Variants in SPACA1 observed in about 807,000 individuals in gnomAD.
The protein encoded by SPACA1 is sperm acrosome associated 1, also known as sperm acrosome membrane-associated protein 1.
Under a neutral mutation model 32.6 loss-of-function variants are expected in SPACA1, and 17 were observed. The ratio of observed to expected loss-of-function variants is 0.52; its 90% CI spans 0.36 to 0.78. SPACA1 has a LOEUF of 0.78. Ranked by LOEUF, SPACA1 falls within the 30% of genes least tolerant of loss-of-function variation. The pLI is 0.01. For synonymous variants in SPACA1, 140 were observed against 138.1 expected (o/e 1.01, Z -0.10); for missense variants, 363 against 373.4 (o/e 0.97, Z 0.23).
chr6:88,047,924 G>T lies in SPACA1; in HGVS notation c.19G>T (p.Gly7Cys). ...GAGAACCATGAGCCCCAGGGGCACG[G>T]GCTGCTCCGCCGGGCTGCTGATGAC... MSPRGT[G>C]CSAGLLMTVG... The change falls in exon 1 of 7, where the codon GGC (glycine) becomes TGC (cysteine). Residue 7 changes from glycine to cysteine, a missense_variant. By Grantham distance (159) the Gly-to-Cys change is radical. Coordinates refer to ENST00000237201, the MANE Select transcript of SPACA1 (RefSeq NM_030960.3). 1 of 1,560,010 alleles carries T rather than the reference G, an allele frequency of 6.4e-7. No homozygotes were observed.
chr6:88,048,857 C>T (rs1775686840), intron 1 of SPACA1, among the ~76,000 whole-genome samples: 1 of 152,214 alleles, frequency 6.6e-6, no homozygotes, highest in Admixed American at 6.5e-5. Context: ...TAGTAACTCA[C>T]ATTCTAGCAG....
intron 1 of SPACA1, 69 bp from the exon 2 acceptor site, chr6:88,053,877 A>C: frequency 7.5e-7 from 1 of 1,331,644 alleles, no homozygotes; most frequent in Non-Finnish European, 1.1e-6. Context: ...TTCATCTCCA[A>C]GTAAGAGGTG....
chr6:88,065,560 A>G (rs143994424), intron 6 of SPACA1, among the ~76,000 whole-genome samples: 1 of 150,164 alleles, frequency 6.7e-6, no homozygotes, highest in African/African-American at 2.4e-5. Context: ...ATGATGCATC[A>G]GCTAGATGCA....
intron 5 of SPACA1, among the ~76,000 whole-genome samples, chr6:88,060,655 G>A (rs1003975494): frequency 5.9e-5 from 9 of 152,124 alleles, no homozygotes; most frequent in Admixed American, 2.0e-4. Flanking sequence ...ATCAGGTGTC[G>A]TTAAAAGGAT....
At chr6:88,048,241 C>G in intron 1 of SPACA1, 128 bp downstream of exon 1, 1 of 993,864 alleles carries the variant, frequency 1.0e-6, no homozygotes, top group Non-Finnish European at 1.5e-6. Context: ...ACTTCAGCCC[C>G]GAGTTTGTCC....
Position 88,057,633 on chromosome 6 carries a change from T to C in SPACA1, c.287T>C (p.Ile96Thr), listed in dbSNP as rs776577127. ...VTCGIGVREV[I>T]LTNGCPGGES... ...AAAGGTATTGGTGTTAGAGAAGTTA[T>C]ATTAACAAATGGATGCCCTGGTGGT... is the stretch of plus-strand genomic sequence containing the variant. The change falls in exon 3 of 7, where the codon ATA becomes ACA. Residue 96 changes from isoleucine to threonine, a missense_variant. Physicochemically the swap from Ile to Thr is moderately conservative, Grantham distance 89 (BLOSUM62 -1). Transcript: ENST00000237201. 10 of 1,613,818 alleles carry C rather than the reference T, an allele frequency of 6.2e-6. No homozygotes were observed. The highest frequency in any genetic ancestry group is 3.3e-5 in the Admixed American group (2 of 60,006).
At chr6:88,052,782 A>G (rs538029929) in intron 1 of SPACA1, among the ~76,000 whole-genome samples, 6 of 152,192 alleles carry the variant, frequency 3.9e-5, no homozygotes, top group Non-Finnish European at 7.4e-5. Context: ...GGTTGCAGTG[A>G]GCCGGGATCA....
intron 2 of SPACA1, among the ~76,000 whole-genome samples, chr6:88,056,025 G>A (rs1006146580): frequency 2.0e-5 from 3 of 151,886 alleles, no homozygotes; most frequent in Admixed American, 6.6e-5. Context: ...ATTAACAATA[G>A]CATGTTAATT....
chr6:88,054,225 A>AT (rs11372759), intron 2 of SPACA1, among the ~76,000 whole-genome samples: 98,601 of 144,010 alleles, frequency 0.68, 34,331 homozygotes, highest in East Asian at 0.97. Flanking sequence ...CCAGCTCCCT[A>AT]TTTTTTTTTT....
intron 2 of SPACA1, among the ~76,000 whole-genome samples, chr6:88,054,263 G>T (rs1775774565): frequency 7.0e-6 from 1 of 142,970 alleles, no homozygotes; most frequent in African/African-American, 2.6e-5. Flanking sequence ...CTTCACCAAA[G>T]TAAAATTTTC....
chr6:88,049,696 A>G (rs946738047), intron 1 of SPACA1, among the ~76,000 whole-genome samples: 3 of 152,206 alleles, frequency 2.0e-5, no homozygotes, highest in African/African-American at 2.4e-5. Flanking sequence ...AGAAATTTCA[A>G]GAAGAATTTA....
At chr6:88,047,784 G>A, upstream of SPACA1, 1 of 993,032 alleles carries the variant, frequency 1.0e-6, no homozygotes, top group South Asian at 1.7e-5. Flanking sequence ...GAGGCGTCAC[G>A]GTTCGTCACG....
At chr6:88,052,584 C>A (rs750042905) in intron 1 of SPACA1, among the ~76,000 whole-genome samples, 17 of 152,106 alleles carry the variant, frequency 1.1e-4, no homozygotes, top group Non-Finnish European at 2.5e-4. Flanking sequence ...TTCCTGTAAT[C>A]CCAGCACTTT....
chr6:88,054,279 C>G (rs1254767201), intron 2 of SPACA1, among the ~76,000 whole-genome samples: 1 of 146,304 alleles, frequency 6.8e-6, no homozygotes, highest in Admixed American at 6.8e-5. Flanking sequence ...TTTTCTCTAT[C>G]TCACAGATGT....
In SPACA1 at chr6:88,066,437, G is replaced by C; in HGVS notation, c.*102G>C. 1 of 1,129,146 alleles carries C rather than the reference G, an allele frequency of 8.9e-7. No individual in the cohort carries two copies. 69.9% of individuals were successfully genotyped at this position (1,129,146 alleles called of 1,614,324 possible). ...GAAATACTTTAATAATGTTGCGATG[G>C]ATTGCCACAGTGTGAAGGAAATGCA... On this transcript the variant is annotated 3_prime_UTR_variant, in exon 7 of 7. Transcript: ENST00000237201.
chr6:88,053,523 G>T (rs1775761602), intron 1 of SPACA1, among the ~76,000 whole-genome samples: 1 of 152,114 alleles, frequency 6.6e-6, no homozygotes, highest in African/African-American at 2.4e-5. Context: ...TCATTTTAAT[G>T]AACACTGGTT....
At chr6:88,054,577 A>G (rs1015349722) in intron 2 of SPACA1, among the ~76,000 whole-genome samples, 4 of 152,306 alleles carry the variant, frequency 2.6e-5, no homozygotes, top group African/African-American at 9.6e-5. Flanking sequence ...CCTTTGAGAA[A>G]CAATGCTGTA....
Position 88,066,227 on chromosome 6 carries a change from G to T in SPACA1, c.777G>T (p.Glu259Asp). 1 of 1,611,340 alleles carries T rather than the reference G, an allele frequency of 6.2e-7. No homozygotes were observed. The highest frequency in any genetic ancestry group is 1.7e-5 in the Admixed American group (1 of 59,924). The change falls in exon 7 of 7, where the codon GAG becomes GAT. Residue 259 changes from glutamate to aspartate, a missense_variant. Physicochemically the swap from Glu to Asp is conservative, Grantham distance 45. Coordinates refer to ENST00000237201, the MANE Select transcript of SPACA1 (RefSeq NM_030960.3). ...GGGGGGCAAAAGCCTCTACACCTGA[G>T]GTACAATCCGAGCAGAGTTCTGTGA... Reference protein sequence around the residue: ...AFWGAKASTPEVQSEQSSVRY... With the variant: ...AFWGAKASTPDVQSEQSSVRY...
At chr6:88,062,555 T>C (rs1035753136) in intron 5 of SPACA1, among the ~76,000 whole-genome samples, 1 of 152,232 alleles carries the variant, frequency 6.6e-6, no homozygotes, top group Non-Finnish European at 1.5e-5. Context: ...TAGTTTACAA[T>C]GTAGCAATAC....
Sources: allele counts gnomAD v4.1 joint callset (sites outside exome capture counted in the v4.1 genomes callset), GRCh38; gene constraint gnomAD v4.1.1; transcripts MANE v1.5; gene names NCBI Gene and HGNC (gene_info 2026-07-23, HGNC 2026-07-21).